The following SYNPR variants were observed in gnomAD, a reference collection of about 807,000 sequenced individuals.
SYNPR encodes synaptoporin.
A neutral mutation model predicts 32.9 loss-of-function variants in SYNPR; 23 were observed. The ratio of observed to expected loss-of-function variants is 0.70; its 90% CI spans 0.50 to 0.99. The LOEUF (loss-of-function observed/expected upper bound fraction) is 0.99, where lower values mean the gene tolerates loss of function less well. SYNPR is among the 50% of genes least tolerant of loss of function. The pLI is 0.00. For missense variants in SYNPR, 318 were observed against 349.3 expected (o/e 0.91, Z 0.71); for synonymous variants, 146 against 135.9 (o/e 1.07, Z -0.52).
At chr3:63,208,206 G>C in the SYNPR span, among the ~76,000 whole-genome samples, 1 of 152,142 alleles carries the variant, frequency 6.6e-6, no homozygotes, top group African/African-American at 2.4e-5. Context: ...CTCACTTAGA[G>C]TGATGCCCTT....
At chr3:63,479,922 A>T (rs1443857663) in intron 2 of SYNPR, among the ~76,000 whole-genome samples, 1 of 152,230 alleles carries the variant, frequency 6.6e-6, no homozygotes, top group Admixed American at 6.5e-5. Context: ...TATTGTAAGA[A>T]GCTGAATTCC....
chr3:63,259,632 A>C (rs1221234892), intron 2 of SYNPR, among the ~76,000 whole-genome samples: 3 of 152,234 alleles, frequency 2.0e-5, no homozygotes, highest in Non-Finnish European at 4.4e-5. Flanking sequence ...GAATGGGCAA[A>C]AACTGGAAGA....
At chr3:63,385,118 C>T (rs970593077) in intron 2 of SYNPR, among the ~76,000 whole-genome samples, 15 of 152,128 alleles carry the variant, frequency 9.9e-5, no homozygotes, top group African/African-American at 3.1e-4. Flanking sequence ...TTGATACCTC[C>T]TGTACTATTA....
intron 2 of SYNPR, among the ~76,000 whole-genome samples, chr3:63,292,883 A>C (rs999227463): frequency 3.3e-5 from 5 of 152,226 alleles, no homozygotes; most frequent in Non-Finnish European, 7.4e-5. Context: ...GGACAGTAAA[A>C]TTAGGCAGGT....
chr3:63,316,824 G>C (rs2087047958), intron 2 of SYNPR, among the ~76,000 whole-genome samples: 1 of 151,906 alleles, frequency 6.6e-6, no homozygotes, highest in Non-Finnish European at 1.5e-5. Context: ...TGTGACCTCA[G>C]AATGTCAGTT....
chr3:63,530,679 C>A (rs553925823), intron 3 of SYNPR, among the ~76,000 whole-genome samples: 58 of 152,182 alleles, frequency 3.8e-4, no homozygotes, highest in Non-Finnish European at 2.9e-5. Context: ...AGAAGCTCTG[C>A]GGTGGGCACT....
chr3:63,595,717 T>TTATA (rs1169780634), intron 4 of SYNPR, among the ~76,000 whole-genome samples: 80 of 17,772 alleles, frequency 4.5e-3, no homozygotes, highest in African/African-American at 6.0e-3. Context: ...GAATCTTATT[T>TTATA]TATATATATA....
intron 2 of SYNPR, among the ~76,000 whole-genome samples, chr3:63,416,830 A>C (rs1007698151): frequency 6.6e-6 from 1 of 152,138 alleles, no homozygotes; most frequent in Non-Finnish European, 1.5e-5. Flanking sequence ...TCACAAGAAC[A>C]GCACAGGAAA....
intron 2 of SYNPR, among the ~76,000 whole-genome samples, chr3:63,462,093 C>A (rs574504136): frequency 6.6e-6 from 1 of 152,138 alleles, no homozygotes; most frequent in Admixed American, 6.6e-5. Flanking sequence ...TTTCCTTTCC[C>A]CAAGCCTGTC....
chr3:63,514,929 T>C (rs950977657), intron 3 of SYNPR, among the ~76,000 whole-genome samples: 1 of 151,890 alleles, frequency 6.6e-6, no homozygotes, highest in Non-Finnish European at 1.5e-5. Flanking sequence ...GTTTAATGCT[T>C]TCCTTCCGTT....
chr3:63,509,288 G>T (rs202000920), intron 3 of SYNPR, among the ~76,000 whole-genome samples: 1 of 147,634 alleles, frequency 6.8e-6, no homozygotes, highest in Non-Finnish European at 1.5e-5. Flanking sequence ...ATATGTGTGT[G>T]TATATATATA....
chr3:63,417,710 G>A lies in SYNPR; in HGVS notation c.85-63122G>A, dbSNP rs574461494. Among the ~76,000 whole-genome samples, 8 of 152,328 alleles carry A rather than the reference G, an allele frequency of 5.3e-5. No homozygotes were observed. In the East Asian group the frequency reaches 1.5e-3, roughly 29 times the overall value. ...TGCACTGGCAGGCTCAACCCCATGT[G>A]GAAGCTGCCAAGGCTTGGGGCTTGC... On this transcript the variant is annotated intron_variant, in intron 2 of 5. Coordinates refer to ENST00000478300, the MANE Select transcript of SYNPR (RefSeq NM_001130003.2).
intron 3 of SYNPR, among the ~76,000 whole-genome samples, chr3:63,531,359 G>A (rs1196993078): frequency 6.6e-6 from 1 of 152,048 alleles, no homozygotes; most frequent in Non-Finnish European, 1.5e-5. Flanking sequence ...GCTTCTTCCT[G>A]GTTTTGGGTG....
intron 2 of SYNPR, among the ~76,000 whole-genome samples, chr3:63,474,488 A>T (rs965185403): frequency 6.6e-6 from 1 of 152,170 alleles, no homozygotes; most frequent in African/African-American, 2.4e-5. Flanking sequence ...AAAAGGAGTG[A>T]ATCAACAAAA....
chr3:63,547,146 T>C (rs9837015), intron 3 of SYNPR, among the ~76,000 whole-genome samples: 34,455 of 152,072 alleles, frequency 0.23, 4,317 homozygotes, highest in East Asian at 0.4. Context: ...TGCTTTGATA[T>C]TGGATAAATT....
intron 3 of SYNPR, among the ~76,000 whole-genome samples, chr3:63,536,431 G>A (rs182713470): frequency 5.9e-5 from 9 of 152,188 alleles, no homozygotes; most frequent in Non-Finnish European, 1.3e-4. Context: ...TCCGTGAGAT[G>A]GTTAAAATAA....
chr3:63,578,541 T>C (rs1283184359), intron 4 of SYNPR, among the ~76,000 whole-genome samples: 2 of 152,044 alleles, frequency 1.3e-5, no homozygotes, highest in African/African-American at 2.4e-5. Context: ...AAGCTATGAC[T>C]TCAAGACTCA....
At chr3:63,281,006 GGA>G (rs1417753877) in intron 2 of SYNPR, among the ~76,000 whole-genome samples, 1 of 152,188 alleles carries the variant, frequency 6.6e-6, no homozygotes, top group African/African-American at 2.4e-5. Context: ...AGAGACATGA[GGA>G]GAGAGTACTA....
At chr3:63,450,248 A>G (rs1426000769) in intron 2 of SYNPR, among the ~76,000 whole-genome samples, 1 of 152,198 alleles carries the variant, frequency 6.6e-6, no homozygotes, top group African/African-American at 2.4e-5. Context: ...CTACCACAGT[A>G]GAGAGAGTGC....
Sources: gnomAD v4.1 joint callset for allele counts (sites outside exome capture counted in the v4.1 genomes callset) on GRCh38, gnomAD v4.1.1 for gene constraint, MANE v1.5 for transcripts, NCBI Gene and HGNC (gene_info 2026-07-23, HGNC 2026-07-21) for gene names.